The following PLA2G6 variants were observed in gnomAD, a reference collection of about 807,000 sequenced individuals.
PLA2G6 encodes phospholipase A2 group VI, also known as 85/88 kDa calcium-independent phospholipase A2.
PLA2G6 carries 62 observed loss-of-function variants against 83.8 expected under a neutral mutation model. That is an observed-to-expected ratio of 0.74 (90% CI 0.60 to 0.91). PLA2G6 has a LOEUF of 0.91. Ranked by LOEUF, PLA2G6 falls within the 40% of genes least tolerant of loss-of-function variation. The pLI is 0.00. For synonymous variants in PLA2G6, 417 were observed against 449.8 expected (o/e 0.93, Z 0.92); for missense variants, 944 against 1,102.0 (o/e 0.86, Z 2.03).
At chr22:38,162,202 CTG>C (rs2090041581) in intron 2 of PLA2G6, among the ~76,000 whole-genome samples, 1 of 116,456 alleles carries the variant, frequency 8.6e-6, no homozygotes, top group Admixed American at 1.2e-4. Context: ...GAGCGAGACT[CTG>C]TGTCAAAAAA....
chr22:38,143,345 G>C, intron 3 of PLA2G6, 57 bp from the exon 4 acceptor site: 3 of 1,548,606 alleles, frequency 1.9e-6, no homozygotes, highest in South Asian at 1.1e-5. Context: ...AGGTGGCAGG[G>C]GGACCTAAGT....
intron 1 of PLA2G6, among the ~76,000 whole-genome samples, chr22:38,177,132 G>A (rs2090665320): frequency 6.6e-6 from 1 of 152,092 alleles, no homozygotes; most frequent in African/African-American, 2.4e-5. Context: ...GAAATGGGGT[G>A]GCAGGTTGTG....
rs766112033 is a variant in PLA2G6, at chr22:38,143,108, C to T, written c.606G>A (p.Leu202=). 7.4e-6 allele frequency: 12 copies of T among 1,614,032 alleles called. No individual in the cohort carries two copies. In the East Asian group the frequency reaches 2.0e-4, roughly 27 times the overall value. ...CCCTGCCCCTCCCCCTGCTCACCTG[C>T]AGCACCTGAGAATTGTCACCCTGGA... ...YAVQGDNSQV[L]QLLGRNAVAG... Residue 202 remains leucine, a synonymous_variant, in exon 4 of 17, where the codon CTG becomes CTA. Coordinates refer to ENST00000332509, the MANE Select transcript of PLA2G6 (RefSeq NM_003560.4).
At chr22:38,112,667 G>C (rs2086950117) in intron 15 of PLA2G6, 90 bp from the exon 16 acceptor site, 10 of 1,102,082 alleles carry the variant, frequency 9.1e-6, no homozygotes, top group Non-Finnish European at 1.3e-5. Flanking sequence ...CGGAGCCCCA[G>C]CCTGGGGAGC....
chr22:38,124,101 C>A (rs181611794), intron 10 of PLA2G6, among the ~76,000 whole-genome samples: 1 of 152,254 alleles, frequency 6.6e-6, no homozygotes, highest in East Asian at 1.9e-4. Context: ...TCCCAAAGTG[C>A]TGGGATTACA....
At chr22:38,143,576 C>T (rs1385129523) in intron 3 of PLA2G6, 1 of 529,772 alleles carries the variant, frequency 1.9e-6, no homozygotes, top group Non-Finnish European at 3.5e-6. Flanking sequence ...GGTCACAGAA[C>T]ACGGATATCT....
chr22:38,168,612 G>A (rs1331694513), intron 2 of PLA2G6, among the ~76,000 whole-genome samples: 1 of 152,214 alleles, frequency 6.6e-6, no homozygotes, highest in African/African-American at 2.4e-5. Context: ...CACTTTGGGA[G>A]GCCAAGGTGG....
At chr22:38,178,075 C>T (rs1158903616) in intron 1 of PLA2G6, among the ~76,000 whole-genome samples, 1 of 152,174 alleles carries the variant, frequency 6.6e-6, no homozygotes, top group Non-Finnish European at 1.5e-5. Context: ...TTCATTCACT[C>T]CGCTTGGCTG....
Position 38,169,995 on chromosome 22 carries a change from C to T in PLA2G6, c.-45-524G>A, listed in dbSNP as rs371006065. On this transcript the variant is annotated intron_variant, in intron 1 of 16. Transcript: ENST00000332509. ...GGCGGATCATTTGAGGTCAGAAATT[C>T]GAGACCAGCCTGGCCAACATGGCGA... 2.0e-3 allele frequency among the ~76,000 whole-genome samples: 309 copies of T among 152,090 alleles called. 1 individual carries two copies. The highest frequency in any genetic ancestry group is 7.3e-3 in the African/African-American group (302 of 41,510).
intron 8 of PLA2G6, 98 bp downstream of exon 8, chr22:38,129,356 A>C: frequency 1.2e-6 from 1 of 860,246 alleles, no homozygotes; most frequent in Non-Finnish European, 2.0e-6. Flanking sequence ...GGGTCAGCAC[A>C]GGATGCTGGC....
chr22:38,119,286 C>T (rs1602082302), intron 12 of PLA2G6, among the ~76,000 whole-genome samples: 1 of 152,186 alleles, frequency 6.6e-6, no homozygotes, highest in Non-Finnish European at 1.5e-5. Context: ...TGGAGCAGAT[C>T]CAAGAGCAGA....
chr22:38,170,690 A>G (rs1025720350), intron 1 of PLA2G6, among the ~76,000 whole-genome samples: 1 of 152,156 alleles, frequency 6.6e-6, no homozygotes, highest in African/African-American at 2.4e-5. Context: ...AGATGTCACC[A>G]GACAAAAGAC....
chr22:38,141,744 C>T (rs1197679742), intron 4 of PLA2G6: 1 of 152,080 alleles, frequency 6.6e-6, no homozygotes, highest in Non-Finnish European at 1.5e-5. Context: ...CAGCTGCAGT[C>T]GTGCATGACT....
chr22:38,120,150 A>T (rs959257922), intron 12 of PLA2G6, among the ~76,000 whole-genome samples: 7 of 152,204 alleles, frequency 4.6e-5, no homozygotes. Flanking sequence ...AACGGGATGC[A>T]TTGCTTAGTC....
rs1208052911 is a variant in PLA2G6 at position 38,123,246 on chromosome 22, C to T, written c.1440G>A (p.Leu480=). 1.3e-6 allele frequency: 2 copies of T among 1,559,572 alleles called. No individual in the cohort carries two copies. The highest frequency in any genetic ancestry group is 1.2e-5 in the South Asian group (1 of 84,480). Residue 480 remains leucine (L), a synonymous_variant, in exon 11 of 17, where the codon CTG becomes CTA. Transcript: ENST00000332509. This position sits in a 1 kb window ranked among gnomAD's most constrained non-coding sequence, Gnocchi z 4.1. Reference sequence around the variant, plus strand: ...TCACTCCTCCTCCATCCAGGCACAGCAGGTGGTCGTGGCTGCAGTGGGAAC... The same window carrying T: ...TCACTCCTCCTCCATCCAGGCACAGTAGGTGGTCGTGGCTGCAGTGGGAAC... ...MRDEKRTHDH[L]LCLDGGGVKG...
At chr22:38,166,243 C>T (rs1199945107) in intron 2 of PLA2G6, among the ~76,000 whole-genome samples, 3 of 152,126 alleles carry the variant, frequency 2.0e-5, no homozygotes, top group Admixed American at 6.6e-5. Context: ...GGAGATTGAC[C>T]TTCTGCATCC....
intron 5 of PLA2G6, chr22:38,136,376 G>A (rs1413964843): frequency 1.3e-5 from 2 of 152,200 alleles, no homozygotes; most frequent in East Asian, 3.8e-4. Context: ...ATCACCTGAG[G>A]TCGGGAGTTC....
At chr22:38,146,307 G>C (rs2089257485) in intron 2 of PLA2G6, 1 of 154,154 alleles carries the variant, frequency 6.5e-6, no homozygotes. Context: ...AAAGTGCTAG[G>C]ATTTCAGGCA....
At position 38,128,115 on chromosome 22, in the gene PLA2G6, G is replaced by A. The variant is rs1399534991; in HGVS notation, c.1348+154C>T. 35 of 728,518 alleles carry A rather than the reference G, an allele frequency of 4.8e-5. No individual in the cohort carries two copies. Among genetic ancestry groups the A allele is most frequent in the Admixed American group, 4.1e-4 (18 of 43,388 alleles). 45.1% of individuals were successfully genotyped at this position (728,518 alleles called of 1,614,324 possible). A position where few individuals can be genotyped will look rare whatever the true frequency, so the allele number is the denominator to read the frequency against. On this transcript the variant is annotated intron_variant, in intron 9 of 16. Transcript: ENST00000332509. This position sits in a 1 kb window ranked among gnomAD's most constrained non-coding sequence, Gnocchi z 4.4. ...CCTAGGCCTCTGGGATCTGTGGGTT[G>A]CTGGCTGCCTAGAGGCTGACAACTC...
Sources: allele counts gnomAD v4.1 joint callset (sites outside exome capture counted in the v4.1 genomes callset), GRCh38; gene constraint gnomAD v4.1.1; non-coding constraint Gnocchi (gnomAD v3.1); transcripts MANE v1.5; gene names NCBI Gene and HGNC (gene_info 2026-07-23, HGNC 2026-07-21).